The following SRGAP2C variants were observed in gnomAD, a reference collection of about 807,000 sequenced individuals.
The protein encoded by SRGAP2C is SLIT-ROBO Rho GTPase-activating protein 2C.
SRGAP2C carries 15 observed loss-of-function variants against 25.1 expected under a neutral mutation model. The observed-to-expected ratio is 0.60, with a 90% CI of 0.40 to 0.92. The LOEUF (loss-of-function observed/expected upper bound fraction) is 0.92. Among genes scored for constraint, SRGAP2C ranks in the 40% least tolerant of loss-of-function variants. SRGAP2C has a pLI of 0.00. For missense variants in SRGAP2C, 144 were observed against 264.4 expected, an observed-to-expected ratio of 0.54 and a Z score of 3.16; for synonymous variants, 44 against 96.6, an observed-to-expected ratio of 0.46 and a Z score of 3.19.
At chr1:121,255,183 A>G (rs1656429002) in intron 2 of SRGAP2C, among the ~76,000 whole-genome samples, 1 of 150,996 alleles carries the variant, frequency 6.6e-6, no homozygotes. Context: ...CCTTGAGGAC[A>G]GCAGTGTGTA....
At chr1:121,268,086 A>T (rs1418733729) in intron 2 of SRGAP2C, among the ~76,000 whole-genome samples, 1 of 144,486 alleles carries the variant, frequency 6.9e-6, no homozygotes, top group African/African-American at 2.5e-5. Context: ...AGTCCCTACC[A>T]TCATGGAACT....
At chr1:121,203,602 T>TA in intron 2 of SRGAP2C, among the ~76,000 whole-genome samples, 1 of 139,346 alleles carries the variant, frequency 7.2e-6, no homozygotes, top group South Asian at 2.5e-4. Flanking sequence ...TTGACATTGA[T>TA]ACAGTCAAAA....
intron 3 of SRGAP2C, among the ~76,000 whole-genome samples, chr1:121,309,540 A>G (rs1223066433): frequency 6.6e-6 from 1 of 151,252 alleles, no homozygotes; most frequent in East Asian, 2.0e-4. Flanking sequence ...GTCATCTAGC[A>G]TTAGGTATAT....
chr1:121,255,481 T>A (rs1656437897), intron 2 of SRGAP2C, among the ~76,000 whole-genome samples: 1 of 151,596 alleles, frequency 6.6e-6, no homozygotes, highest in African/African-American at 2.4e-5. Context: ...GTCCTAGTAT[T>A]TTTTCCTAGA....
chr1:121,366,736 TGTA>T (rs1659332518), intron 5 of SRGAP2C, among the ~76,000 whole-genome samples: 1 of 151,552 alleles, frequency 6.6e-6, no homozygotes, highest in African/African-American at 2.4e-5. Context: ...AAATGACACA[TGTA>T]GTCATTGTAT....
chr1:121,276,409 AC>A (rs1276838804), intron 2 of SRGAP2C, among the ~76,000 whole-genome samples: 1 of 113,080 alleles, frequency 8.8e-6, no homozygotes, highest in Non-Finnish European at 1.8e-5. Flanking sequence ...CTCCTCTTGC[AC>A]CTTTATCTTT....
intron 3 of SRGAP2C, among the ~76,000 whole-genome samples, chr1:121,297,507 A>G (rs1344186214): frequency 2.4e-5 from 3 of 124,330 alleles, no homozygotes; most frequent in African/African-American, 5.9e-5. Flanking sequence ...GTTGACAGTA[A>G]TACTTACCTT....
chr1:121,374,883 T>C lies in SRGAP2C; in HGVS notation c.760T>C (p.Leu254=). 1 of 779,582 alleles carries C rather than the reference T, an allele frequency of 1.3e-6. No individual in the cohort carries two copies. Among genetic ancestry groups the C allele is most frequent in the Non-Finnish European group, 2.4e-6 (1 of 417,426 alleles). The allele number at this position is 779,582 out of a possible 1,614,324, so 48.3% of individuals were successfully genotyped here. The change falls in exon 7 of 10, where the codon TTG becomes CTG. Residue 254 remains leucine, a synonymous_variant. Transcript: ENST00000367123. The part of the protein sequence containing the change: ...LKAIKAQNEY[L]LALEATNASV... ...GGCCATCAAAGCCCAGAATGAGTAC[T>C]TGCTGGCTTTGGAGGCAACCAATGC...
intron 2 of SRGAP2C, among the ~76,000 whole-genome samples, chr1:121,261,010 C>T (rs587598743): frequency 7.8e-4 from 82 of 105,060 alleles, no homozygotes; most frequent in Middle Eastern, 4.6e-3. Context: ...CTTACTGCAG[C>T]CTTGACCTCC....
chr1:121,232,741 G>T (rs587715472), intron 2 of SRGAP2C, among the ~76,000 whole-genome samples: 1 of 152,328 alleles, frequency 6.6e-6, no homozygotes, highest in South Asian at 2.1e-4. Flanking sequence ...GTTAAGGGAA[G>T]TTCAAGTCTC....
chr1:121,268,412 G>T (rs1180512814), intron 2 of SRGAP2C, among the ~76,000 whole-genome samples: 1 of 151,934 alleles, frequency 6.6e-6, no homozygotes, highest in African/African-American at 2.4e-5. Context: ...TAAGGTTTTG[G>T]AAAGCCATTA....
At chr1:121,257,920 C>G (rs1286316109) in intron 2 of SRGAP2C, among the ~76,000 whole-genome samples, 1 of 148,592 alleles carries the variant, frequency 6.7e-6, no homozygotes, top group Non-Finnish European at 1.5e-5. Flanking sequence ...CTTTCCACTT[C>G]CCCTCCCTTA....
At chr1:121,352,716 T>G (rs1442178571) in intron 4 of SRGAP2C, among the ~76,000 whole-genome samples, 6 of 150,768 alleles carry the variant, frequency 4.0e-5, no homozygotes, top group Non-Finnish European at 5.9e-5. Flanking sequence ...TAAATGGCAT[T>G]ATTTAGGCAG....
At chr1:121,375,008 C>T in intron 7 of SRGAP2C, 54 bp downstream of exon 7, 2 of 751,114 alleles carry the variant, frequency 2.7e-6, no homozygotes, top group South Asian at 2.8e-5. Context: ...TTTCAGAATA[C>T]TCGTCAGACA....
intron 3 of SRGAP2C, among the ~76,000 whole-genome samples, chr1:121,310,519 T>G (rs1223252973): frequency 2.5e-5 from 1 of 40,316 alleles, no homozygotes; most frequent in Admixed American, 2.7e-4. Flanking sequence ...TCCTGAATGG[T>G]AATGCCTAGG....
chr1:121,295,331 A>G (rs1657572209), intron 3 of SRGAP2C, among the ~76,000 whole-genome samples: 1 of 151,746 alleles, frequency 6.6e-6, no homozygotes, highest in South Asian at 2.1e-4. Context: ...ATGAATTCTG[A>G]TTAAGGAAGA....
At chr1:121,352,922 T>C (rs1266352248) in intron 4 of SRGAP2C, among the ~76,000 whole-genome samples, 1 of 142,686 alleles carries the variant, frequency 7.0e-6, no homozygotes, top group East Asian at 2.2e-4. Context: ...ACCCCATCTC[T>C]ACTAAAAATA....
chr1:121,188,424 C>A (rs1446425005), intron 2 of SRGAP2C, among the ~76,000 whole-genome samples: 4 of 150,426 alleles, frequency 2.7e-5, no homozygotes, highest in African/African-American at 9.8e-5. Flanking sequence ...AGGAAGGGTT[C>A]CTGCCTGTTA....
intron 3 of SRGAP2C, among the ~76,000 whole-genome samples, chr1:121,289,191 G>A (rs1657440777): frequency 6.7e-6 from 1 of 149,884 alleles, no homozygotes; most frequent in Non-Finnish European, 1.5e-5. Flanking sequence ...CCGCACAGGA[G>A]CCCATGGAGT....
Sources: allele counts gnomAD v4.1 joint callset (sites outside exome capture counted in the v4.1 genomes callset), GRCh38; gene constraint gnomAD v4.1.1; transcripts MANE v1.5; gene names NCBI Gene and HGNC (gene_info 2026-07-23, HGNC 2026-07-21).